C9orf153: variants seen among roughly 807,000 people sequenced by gnomAD.
C9orf153 encodes uncharacterized protein C9orf153.
C9orf153 carries 10 observed loss-of-function variants against 9.0 expected under a neutral mutation model. That is an observed-to-expected ratio of 1.11 (90% CI 0.69 to 1.89). C9orf153 has a LOEUF of 1.89. Among genes scored for constraint, C9orf153 ranks in the 40% most tolerant of loss-of-function variants. C9orf153 has a pLI of 0.00. For missense variants in C9orf153, 108 were observed against 111.0 expected (o/e 0.97, Z 0.12); for synonymous variants, 35 against 37.3 (o/e 0.94, Z 0.23).
intron 3 of C9orf153, among the ~76,000 whole-genome samples, chr9:86,226,498 T>G (rs1045662313): frequency 2.6e-5 from 4 of 151,964 alleles, no homozygotes; most frequent in Non-Finnish European, 5.9e-5. Flanking sequence ...ATTTTTAAAA[T>G]TTTTTTGTAG....
At chr9:86,258,933 C>T (rs1825185769) in intron 1 of C9orf153, among the ~76,000 whole-genome samples, 1 of 151,854 alleles carries the variant, frequency 6.6e-6, no homozygotes, top group Non-Finnish European at 1.5e-5. Flanking sequence ...CCATACTTCA[C>T]AGTTTACATT....
At chr9:86,234,754 T>C (rs758938282) in intron 1 of C9orf153, among the ~76,000 whole-genome samples, 62 of 152,136 alleles carry the variant, frequency 4.1e-4, no homozygotes, top group Non-Finnish European at 6.9e-4. Context: ...TTAGTGAAAA[T>C]AGTGAAAAGA....
At chr9:86,227,391 T>C in intron 3 of C9orf153, 1 of 1,531,870 alleles carries the variant, frequency 6.5e-7, no homozygotes, top group Non-Finnish European at 8.8e-7. Context: ...GTTCATTTTA[T>C]TGACACTGTA....
At chr9:86,236,718 A>C (rs1382423649) in intron 1 of C9orf153, among the ~76,000 whole-genome samples, 2 of 151,962 alleles carry the variant, frequency 1.3e-5, no homozygotes, top group East Asian at 3.9e-4. Context: ...AGGAAGTGAA[A>C]AGTATTAGAG....
At chr9:86,251,972 A>G (rs533874560) in intron 1 of C9orf153, among the ~76,000 whole-genome samples, 74 of 150,550 alleles carry the variant, frequency 4.9e-4, no homozygotes, top group Non-Finnish European at 8.9e-4. Flanking sequence ...GGGAGAAGAG[A>G]GAAGACGAGA....
chr9:86,238,549 A>G (rs1432106268), intron 1 of C9orf153, among the ~76,000 whole-genome samples: 3 of 152,230 alleles, frequency 2.0e-5, no homozygotes, highest in Admixed American at 1.3e-4. Context: ...GTGAAGGCTT[A>G]TATATTCATT....
chr9:86,236,969 G>A (rs1824610747), intron 1 of C9orf153, among the ~76,000 whole-genome samples: 1 of 150,910 alleles, frequency 6.6e-6, no homozygotes, highest in East Asian at 1.9e-4. Flanking sequence ...AAATATAATG[G>A]CAAGAATGTA....
intron 2 of C9orf153, among the ~76,000 whole-genome samples, chr9:86,228,265 C>T (rs111345478): frequency 1.1e-4 from 17 of 152,282 alleles, no homozygotes; most frequent in South Asian, 6.2e-4. Flanking sequence ...TATTTAGACA[C>T]GTCTTATAAA....
At chr9:86,241,197 C>T (rs535391360) in intron 1 of C9orf153, among the ~76,000 whole-genome samples, 1 of 152,192 alleles carries the variant, frequency 6.6e-6, no homozygotes, top group East Asian at 1.9e-4. Flanking sequence ...TCATGAGTGC[C>T]GCCTTATACT....
chr9:86,253,394 T>C (rs966101336), intron 1 of C9orf153, among the ~76,000 whole-genome samples: 2 of 152,200 alleles, frequency 1.3e-5, no homozygotes, highest in Non-Finnish European at 2.9e-5. Context: ...TCAAGATATT[T>C]TGGGGACTTC....
At chr9:86,232,866 G>A (rs111390636) in intron 1 of C9orf153, among the ~76,000 whole-genome samples, 77 of 152,144 alleles carry the variant, frequency 5.1e-4, no homozygotes, top group African/African-American at 1.8e-3. Context: ...CCAAGCAGCT[G>A]GGACTACAGG....
chr9:86,225,411 CTCCTTCCT>C (rs72315837), intron 3 of C9orf153, among the ~76,000 whole-genome samples: 58,214 of 131,774 alleles, frequency 0.44, 12,658 homozygotes, highest in East Asian at 0.77. Flanking sequence ...CTCTCTCTCT[CTCCTTCCT>C]TCCTTCCTTC....
chr9:86,239,510 A>G (rs1824683449), intron 1 of C9orf153, among the ~76,000 whole-genome samples: 1 of 152,174 alleles, frequency 6.6e-6, no homozygotes, highest in African/African-American at 2.4e-5. Context: ...TGTTTCACTG[A>G]GGAGTTATAG....
chr9:86,258,355 A>AG (rs1299669220), intron 1 of C9orf153: 2 of 152,026 alleles, frequency 1.3e-5, no homozygotes, highest in African/African-American at 4.8e-5. Flanking sequence ...AAAAAAAAAA[A>AG]AAAAAGGAAA....
At chr9:86,227,182 T>A (rs1824355717) in intron 3 of C9orf153, 6 of 691,982 alleles carry the variant, frequency 8.7e-6, no homozygotes, top group Non-Finnish European at 9.9e-6. Flanking sequence ...GGTCTTGCTC[T>A]GTTGCCAAGG....
intron 1 of C9orf153, among the ~76,000 whole-genome samples, chr9:86,241,365 TC>T (rs10536396): frequency 1.4e-5 from 1 of 73,836 alleles, no homozygotes. Context: ...ATACTCATCT[TC>T]TTTTCTCCAG....
chr9:86,234,723 A>G (rs1032998382), intron 1 of C9orf153, among the ~76,000 whole-genome samples: 1 of 152,242 alleles, frequency 6.6e-6, no homozygotes, highest in Non-Finnish European at 1.5e-5. Flanking sequence ...GGACTTCATC[A>G]CAATTAAAAA....
intron 3 of C9orf153, among the ~76,000 whole-genome samples, chr9:86,225,610 C>T (rs534052272): frequency 9.9e-5 from 15 of 152,174 alleles, no homozygotes; most frequent in South Asian, 4.1e-4. Flanking sequence ...AGGTGCCCGC[C>T]GCAACGCCCA....
chr9:86,226,447 G>A (rs924334127), intron 3 of C9orf153, among the ~76,000 whole-genome samples: 3 of 151,346 alleles, frequency 2.0e-5, no homozygotes, highest in East Asian at 2.0e-4. Context: ...TCAGCCTCCC[G>A]AGTAGCTGGG....
Sources: allele counts gnomAD v4.1 joint callset (sites outside exome capture counted in the v4.1 genomes callset), GRCh38; gene constraint gnomAD v4.1.1; transcripts MANE v1.5; gene names NCBI Gene and HGNC (gene_info 2026-07-23, HGNC 2026-07-21).